ARSG: variants seen among roughly 807,000 people sequenced by gnomAD.
ARSG encodes ASG.
In ARSG, 37 loss-of-function variants were observed where a neutral mutation model predicts 50.5. The observed-to-expected ratio is 0.73, with a 90% CI of 0.56 to 0.96. ARSG has a LOEUF of 0.96. ARSG is among the 50% of genes least tolerant of loss of function. The pLI, the probability that ARSG is intolerant of heterozygous loss-of-function variation, is 0.00. For synonymous variants in ARSG, 225 were observed against 254.6 expected, an observed-to-expected ratio of 0.88 and a Z score of 1.11; for missense variants, 629 against 675.3, an observed-to-expected ratio of 0.93 and a Z score of 0.76.
rs1369417272 is a variant in ARSG at position 68,283,553 on chromosome 17, T to C, written c.-551-23390T>C. On this transcript the variant is annotated intron_variant, in intron 1 of 11. Coordinates refer to the ARSG transcript ENST00000448504. ...AAAAAAAAAGGCTGGGCACGGCGGC[T>C]CACGCCTGTAATCCCAGCACACTTT... 2.7e-5 allele frequency among the ~76,000 whole-genome samples: 4 copies of C among 147,436 alleles called. No homozygotes were observed. The East Asian group carries it at 8.1e-4, about 30-fold the overall frequency.
At chr17:68,390,207 C>T (rs1385579691) in intron 9 of ARSG, among the ~76,000 whole-genome samples, 3 of 151,930 alleles carry the variant, frequency 2.0e-5, no homozygotes, top group Non-Finnish European at 2.9e-5. Flanking sequence ...AGGCTGGTCT[C>T]GAACTCCTGA....
chr17:68,414,142 C>G (rs992670748), intron 11 of ARSG: 3 of 153,110 alleles, frequency 2.0e-5, no homozygotes, highest in African/African-American at 7.2e-5. Context: ...GCTCCTCCCC[C>G]TGGCTGTGGG....
intron 11 of ARSG, among the ~76,000 whole-genome samples, chr17:68,416,507 C>T (rs2082372931): frequency 6.6e-6 from 1 of 152,080 alleles, no homozygotes; most frequent in South Asian, 2.1e-4. Context: ...ATTTGGATGT[C>T]TAGGTTTCTA....
intron 9 of ARSG, 149 bp from the exon 10 acceptor site, chr17:68,394,924 A>G: frequency 8.8e-7 from 1 of 1,132,500 alleles, no homozygotes; most frequent in Non-Finnish European, 1.2e-6. Flanking sequence ...TGGAACTGAA[A>G]GGAAAAACAA....
intron 11 of ARSG, among the ~76,000 whole-genome samples, chr17:68,410,732 A>G (rs1312237842): frequency 6.6e-6 from 1 of 152,176 alleles, no homozygotes; most frequent in Non-Finnish European, 1.5e-5. Context: ...GGTAGAATTC[A>G]GCTGCGAATC....
In ARSG at chr17:68,351,624, T is replaced by G; in HGVS notation, c.504T>G (p.Thr168=). 1 of 1,614,050 alleles carries G rather than the reference T, an allele frequency of 6.2e-7. No individual in the cohort carries two copies. The highest frequency in any genetic ancestry group is 8.5e-7 in the Non-Finnish European group (1 of 1,179,940). ...CATATAGCCATGATATGGGCTGTAC[T>G]GATACTCCAGGCTACAACCACCCTC... The part of the protein sequence containing the change: ...GIPYSHDMGC[T]DTPGYNHPPC... Residue 168 remains threonine, a synonymous_variant, in exon 5 of 12, where the codon ACT becomes ACG. Transcript: ENST00000621439.
At chr17:68,306,221 C>T (rs368820685) in intron 1 of ARSG, among the ~76,000 whole-genome samples, 30 of 152,078 alleles carry the variant, frequency 2.0e-4, no homozygotes, top group South Asian at 2.1e-4. Context: ...AGGCTGGTCT[C>T]AAACTCCCAA....
At chr17:68,383,917 T>G (rs1158988481) in intron 8 of ARSG, among the ~76,000 whole-genome samples, 1 of 152,202 alleles carries the variant, frequency 6.6e-6, no homozygotes, top group African/African-American at 2.4e-5. Flanking sequence ...TTTTGTTTCT[T>G]ACTTCAAAAC....
At chr17:68,401,225 G>T in intron 10 of ARSG, 135 bp from the exon 11 acceptor site, 1 of 733,102 alleles carries the variant, frequency 1.4e-6, no homozygotes, top group Admixed American at 2.2e-5. Context: ...GTCTTGCTGT[G>T]TTGCCCAGGC....
upstream of ARSG, among the ~76,000 whole-genome samples, chr17:68,290,916 CCTAA>C (rs5821650): frequency 0.56 from 84,923 of 151,628 alleles, 23,891 homozygotes; most frequent in Middle Eastern, 0.61. Flanking sequence ...CCTGGGCATT[CCTAA>C]CTGTCAGAGC....
intron 2 of ARSG, among the ~76,000 whole-genome samples, chr17:68,313,614 T>C (rs1481944792): frequency 6.6e-6 from 1 of 152,094 alleles, no homozygotes; most frequent in South Asian, 2.1e-4. Flanking sequence ...GGTTCTGGAT[T>C]GATATGAAAT....
the ARSG span, among the ~76,000 whole-genome samples, chr17:68,437,005 A>AATATAT: frequency 1.9e-5 from 2 of 107,192 alleles, no homozygotes; most frequent in African/African-American, 7.1e-5. Context: ...AAAAAAAAAA[A>AATATAT]ATATATATAT....
At chr17:68,362,770 G>A (rs1187802558) in intron 6 of ARSG, among the ~76,000 whole-genome samples, 1 of 152,024 alleles carries the variant, frequency 6.6e-6, no homozygotes, top group Non-Finnish European at 1.5e-5. Flanking sequence ...TTCAGATTTG[G>A]GATGCGCTGC....
chr17:68,381,841 T>C lies in ARSG; in HGVS notation c.983-3223T>C, dbSNP rs1341344295. On this transcript the variant is annotated intron_variant, in intron 8 of 11. Transcript: ENST00000621439. The surrounding 1 kb of genome is among the most constrained non-coding windows in gnomAD (Gnocchi z 4.1). ...TTTGGCATGCGTATTTTTTAAAAGC[T>C]CTCCAGTGATTCTAATACATATTCA... is the stretch of plus-strand genomic sequence containing the variant. 4.6e-5 allele frequency among the ~76,000 whole-genome samples: 7 copies of C among 152,140 alleles called. No individual in the cohort carries two copies. The highest frequency in any genetic ancestry group is 3.3e-4 in the Admixed American group (5 of 15,272).
chr17:68,404,961 C>G (rs146924559), intron 11 of ARSG, among the ~76,000 whole-genome samples: 1 of 152,238 alleles, frequency 6.6e-6, no homozygotes, highest in East Asian at 1.9e-4. Context: ...ATTGAATGGT[C>G]TTGGCACCCT....
At chr17:68,333,631 AAATAATAAT>A (rs150655015) in intron 2 of ARSG, among the ~76,000 whole-genome samples, 46,908 of 142,594 alleles carry the variant, frequency 0.33, 8,757 homozygotes, top group Non-Finnish European at 0.41. Flanking sequence ...TCTGTCTCAA[AAATAATAAT>A]AATAATAATA....
rs150154712 is a variant in ARSG, at chr17:68,420,297, G to A, written c.1412G>A (p.Gly471Asp). 70 of 1,614,134 alleles carry A rather than the reference G, an allele frequency of 4.3e-5. 1 individual carries two copies. The African/African-American group carries it at 8.8e-4, about 20-fold the overall frequency. Residue 471 changes from glycine to aspartate, a missense_variant, in exon 12 of 12, where the codon GGT (glycine) becomes GAT (aspartate). By Grantham distance (94) the Gly-to-Asp change is moderately conservative. Transcript: ENST00000621439. ...DTAEAVPLER[G>D]GAEYQAVLPE... Reference sequence around the variant, plus strand: ...GCAGAAGCTGTGCCCCTAGAAAGAGGTGGTGCGGAGTACCAGGCTGTGCTG... The same window carrying A: ...GCAGAAGCTGTGCCCCTAGAAAGAGATGGTGCGGAGTACCAGGCTGTGCTG...
chr17:68,398,092 T>C (rs2081323036), intron 10 of ARSG, among the ~76,000 whole-genome samples: 1 of 152,224 alleles, frequency 6.6e-6, no homozygotes, highest in African/African-American at 2.4e-5. Context: ...ATGTACCATG[T>C]ATGTATATTC....
intron 1 of ARSG, chr17:68,273,882 A>C: frequency 6.3e-7 from 1 of 1,590,412 alleles, no homozygotes; most frequent in Non-Finnish European, 8.6e-7. Context: ...CTTGTTCTTC[A>C]AACTAAGTGT....
Sources: allele counts gnomAD v4.1 joint callset (sites outside exome capture counted in the v4.1 genomes callset), GRCh38; gene constraint gnomAD v4.1.1; non-coding constraint Gnocchi (gnomAD v3.1); transcripts MANE v1.5; gene names NCBI Gene and HGNC (gene_info 2026-07-23, HGNC 2026-07-21).